NLRC5: variants seen among roughly 807,000 people sequenced by gnomAD.
The protein encoded by NLRC5 is protein NLRC5.
Under a neutral mutation model 206.9 loss-of-function variants are expected in NLRC5, and 114 were observed. That is an observed-to-expected ratio of 0.55 (90% CI 0.47 to 0.64). NLRC5 has a LOEUF of 0.64. NLRC5 is among the 30% of genes least tolerant of loss of function. The pLI, the probability that NLRC5 is intolerant of heterozygous loss-of-function variation, is 0.00. For synonymous variants in NLRC5, 952 were observed against 962.8 expected (o/e 0.99, Z 0.21); for missense variants, 2,008 against 2,305.5 (o/e 0.87, Z 2.64).
chr16:57,045,878 G>A (rs565408559), intron 21 of NLRC5, among the ~76,000 whole-genome samples: 1 of 152,352 alleles, frequency 6.6e-6, no homozygotes, highest in Non-Finnish European at 1.5e-5. Context: ...CGCTCTGAAG[G>A]CAGGGGCCGT....
chr16:57,019,127 G>A (rs4784749), intron 2 of NLRC5, among the ~76,000 whole-genome samples: 24,637 of 152,132 alleles, frequency 0.16, 2,309 homozygotes, highest in Middle Eastern at 0.27. Context: ...CATCATGATG[G>A]CTCACACCTG....
chr16:57,070,008 A>T, intron 37 of NLRC5, 89 bp downstream of exon 37: 1 of 1,049,236 alleles, frequency 9.5e-7, no homozygotes, highest in Non-Finnish European at 1.4e-6. Flanking sequence ...GAGGGCAGGC[A>T]ATGAGACTTC....
Position 57,023,965 on chromosome 16 carries a change from T to C in NLRC5, c.424+112T>C, listed in dbSNP as rs2060975380. 3 of 957,252 alleles carry C rather than the reference T, an allele frequency of 3.1e-6. No homozygotes were observed. The East Asian group carries it at 8.0e-5, about 26-fold the overall frequency. The allele number at this position is 957,252 out of a possible 1,614,324, so 59.3% of individuals were successfully genotyped here. ...AATAAGCCTCCAGAGGCCCAGTGAC[T>C]CTTGTCTCGCAAGTTTCCAGGAGAA... On this transcript the variant is annotated intron_variant, in intron 5 of 48. Transcript: ENST00000688547.
At chr16:57,048,681 C>T (rs2064355485) in intron 23 of NLRC5, among the ~76,000 whole-genome samples, 1 of 152,060 alleles carries the variant, frequency 6.6e-6, no homozygotes, top group African/African-American at 2.4e-5. Context: ...TTACAGGCGC[C>T]CGCCATCATG....
chr16:57,054,563 A>T (rs1254165122), intron 24 of NLRC5, among the ~76,000 whole-genome samples, 188 bp from the exon 25 acceptor site: 2 of 152,112 alleles, frequency 1.3e-5, no homozygotes, highest in African/African-American at 4.8e-5. Flanking sequence ...CACAGCCAAT[A>T]AGCAGAACTG....
At chr16:57,049,664 G>A (rs1425660462) in intron 23 of NLRC5, among the ~76,000 whole-genome samples, 3 of 151,912 alleles carry the variant, frequency 2.0e-5, no homozygotes, top group Non-Finnish European at 4.4e-5. Context: ...AACCCGGGAG[G>A]CAGAGATTGT....
At chr16:57,033,725 G>C in intron 12 of NLRC5, 56 bp downstream of exon 12, 1 of 1,508,764 alleles carries the variant, frequency 6.6e-7, no homozygotes, top group South Asian at 1.1e-5. Context: ...GGGAAAGTCC[G>C]AGGCAAGGGA....
At chr16:57,082,337 G>A in intron 48 of NLRC5, 80 bp from the exon 49 acceptor site, 1 of 1,125,462 alleles carries the variant, frequency 8.9e-7, no homozygotes, top group South Asian at 1.4e-5. Context: ...TACCTTTTTG[G>A]GCCTCAGCCT....
rs1220165368 is a variant in NLRC5 at position 57,025,982 on chromosome 16, C to G, written c.1039C>G (p.Arg347Gly). 1 of 1,614,082 alleles carries G rather than the reference C, an allele frequency of 6.2e-7. No individual in the cohort carries two copies. The highest frequency in any genetic ancestry group is 2.2e-5 in the East Asian group (1 of 44,892). Residue 347 changes from arginine (R) to glycine (G), a missense_variant, in exon 6 of 49, where the codon CGT becomes GGT. By Grantham distance (125) the Arg-to-Gly change is moderately radical (BLOSUM62 -2). Transcript: ENST00000688547. ...LPGCRVMATS[R>G]PGKLPACLPA... The stretch of plus-strand genomic sequence containing the variant: ...TGGCTGCCGGGTGATGGCTACCTCC[C>G]GTCCAGGGAAGCTGCCTGCCTGCCT...
Position 57,054,839 on chromosome 16 carries a change from A to G in NLRC5, c.3595A>G (p.Arg1199Gly). The G allele has an allele frequency of 6.2e-7, 1 of 1,614,030 alleles. No individual in the cohort carries two copies. The highest frequency in any genetic ancestry group is 8.5e-7 in the Non-Finnish European group (1 of 1,179,870). Reference protein sequence around the residue: ...LCPRVKKVDLRSLHHATLHFR... With the variant: ...LCPRVKKVDLGSLHHATLHFR... ...TCCACGGGTTAAAAAGGTGGATCTC[A>G]GGTGGGCATTCCCCTGGGACAGCCA... Residue 1199 changes from arginine (R) to glycine (G), a missense_variant and splice_region_variant, in exon 25 of 49, where the codon AGG becomes GGG. By Grantham distance (125) the Arg-to-Gly change is moderately radical (BLOSUM62 -2). Transcript: ENST00000688547.
At chr16:57,046,688 AG>A (rs1375602698) in intron 22 of NLRC5, 47 bp downstream of exon 22, 2 of 1,493,964 alleles carry the variant, frequency 1.3e-6, no homozygotes, top group Non-Finnish European at 1.9e-6. Context: ...AATAGGGATG[AG>A]GCGTCAGAGG....
At chr16:57,027,063 G>A (rs369093073) in intron 6 of NLRC5, 45 bp downstream of exon 6, 107 of 1,577,352 alleles carry the variant, frequency 6.8e-5, no homozygotes, top group Middle Eastern at 1.7e-4. Context: ...TGGGCTTTTG[G>A]GGGAGCAGAG....
At position 57,020,756 on chromosome 16, in the gene NLRC5, G is replaced by A. The variant is rs761267166; in HGVS notation, c.44G>A (p.Ser15Asn). Residue 15 changes from serine (S) to asparagine (N), a missense_variant, in exon 3 of 49, where the codon AGC (serine) becomes AAC (asparagine). Ser to Asn is a conservative substitution (Grantham distance 46). Transcript: ENST00000688547. ...CAGCTCGGCAACAAGAACCTGTGGA[G>A]CTGTCTTGTGAGGCTGCTCACCAAA... ...GLQLGNKNLW[S>N]CLVRLLTKDP... 1.2e-5 allele frequency: 20 copies of A among 1,612,386 alleles called. No homozygotes were observed. Among genetic ancestry groups the A allele is most frequent in the African/African-American group, 1.3e-5 (1 of 74,348 alleles).
chr16:56,999,853 G>A (rs566813990), intron 1 of NLRC5, among the ~76,000 whole-genome samples: 47 of 152,214 alleles, frequency 3.1e-4, no homozygotes, highest in Non-Finnish European at 6.5e-4. Flanking sequence ...GGGAGGTAGC[G>A]AGGAGCCTGT....
intron 1 of NLRC5, among the ~76,000 whole-genome samples, chr16:56,999,684 G>A (rs1191012499): frequency 2.0e-5 from 3 of 152,292 alleles, no homozygotes; most frequent in Non-Finnish European, 4.4e-5. Context: ...CTCTGCCCTG[G>A]GAAGGGGATA....
intron 25 of NLRC5, 39 bp downstream of exon 25, chr16:57,054,879 G>A (rs1332890061): frequency 2.5e-6 from 4 of 1,602,444 alleles, no homozygotes; most frequent in Non-Finnish European, 3.4e-6. Context: ...TCGTCCTGAA[G>A]GGTTGTGCCT....
In NLRC5 at chr16:56,997,505, A is replaced by C. The variant is rs189870603; in HGVS notation, c.-128+7888A>C. ...AGAAAACTGTCCAAGGTTGCACAGCACTAAAATGTTGAAATCAGGATTTAA... is the reference window on the plus strand; with the variant it reads ...AGAAAACTGTCCAAGGTTGCACAGCCCTAAAATGTTGAAATCAGGATTTAA... On this transcript the variant is annotated intron_variant, in intron 1 of 48. Transcript: ENST00000688547. 5.9e-4 allele frequency among the ~76,000 whole-genome samples: 90 copies of C among 152,322 alleles called. 1 individual carries two copies. Among genetic ancestry groups the C allele is most frequent in the African/African-American group, 2.0e-3 (82 of 41,570 alleles).
chr16:57,067,518 C>G (rs2067199787), intron 35 of NLRC5, 48 bp downstream of exon 35: 1 of 1,562,656 alleles, frequency 6.4e-7, no homozygotes, highest in African/African-American at 1.4e-5. Context: ...TCTGGTTGAC[C>G]CTGGTACCTA....
At position 57,077,355 on chromosome 16, in the gene NLRC5, G is replaced by A; in HGVS notation, c.4895G>A (p.Gly1632Glu). Residue 1632 changes from glycine to glutamate, a missense_variant, in exon 41 of 49, where the codon GGG (glycine) becomes GAG (glutamate). By Grantham distance (98) the Gly-to-Glu change is moderately conservative. Transcript: ENST00000688547. ...CAGCACTTAGCTACCATCCTGCCTG[G>A]GCTGCCAGAGCTCAGGAAGATAGAG... is the stretch of plus-strand genomic sequence containing the variant. ...GVQHLATILPGLPELRKIDLS... is the reference protein window; with the variant it reads ...GVQHLATILPELPELRKIDLS... 1 of 1,614,028 alleles carries A rather than the reference G, an allele frequency of 6.2e-7. No homozygotes were observed. The highest frequency in any genetic ancestry group is 1.7e-5 in the Admixed American group (1 of 60,018).
Sources: allele counts gnomAD v4.1 joint callset (sites outside exome capture counted in the v4.1 genomes callset), GRCh38; gene constraint gnomAD v4.1.1; transcripts MANE v1.5; gene names NCBI Gene and HGNC (gene_info 2026-07-23, HGNC 2026-07-21).